Variants in ECSIT observed in about 807,000 individuals in gnomAD.
The protein encoded by ECSIT is ECSIT signaling integrator, also known as evolutionarily conserved signaling intermediate in Toll pathway, mitochondrial.
Under a neutral mutation model 36.8 loss-of-function variants are expected in ECSIT, and 29 were observed. The ratio of observed to expected loss-of-function variants is 0.79; its 90% CI spans 0.59 to 1.08. The LOEUF (loss-of-function observed/expected upper bound fraction) is 1.08, where lower values mean the gene tolerates loss of function less well. Ranked by LOEUF, ECSIT falls within the 50% of genes least tolerant of loss-of-function variation. The probability of loss-of-function intolerance (pLI) is 0.00; values close to 1 mark genes in which losing one functional copy is unlikely to be tolerated. For synonymous variants in ECSIT, 231 were observed against 234.8 expected, an observed-to-expected ratio of 0.98 and a Z score of 0.15; for missense variants, 542 against 581.0, an observed-to-expected ratio of 0.93 and a Z score of 0.69.
intron 1 of ECSIT, among the ~76,000 whole-genome samples, chr19:11,524,909 C>T (rs1042118577): frequency 1.8e-4 from 28 of 151,666 alleles, no homozygotes; most frequent in African/African-American, 6.3e-4. Flanking sequence ...GAAGCCAAGG[C>T]GGGTGGATCA....
At chr19:11,511,401 GC>G (rs1971867837) in intron 4 of ECSIT, among the ~76,000 whole-genome samples, 1 of 152,150 alleles carries the variant, frequency 6.6e-6, no homozygotes, top group Non-Finnish European at 1.5e-5. Flanking sequence ...AAGGGGTGGT[GC>G]CTTGGCCAGG....
intron 4 of ECSIT, among the ~76,000 whole-genome samples, chr19:11,511,652 T>C (rs981018065): frequency 6.6e-6 from 1 of 152,144 alleles, no homozygotes; most frequent in East Asian, 1.9e-4. Flanking sequence ...CTATCTACAA[T>C]GCAATAGGAT....
Position 11,513,867 on chromosome 19 carries a change from A to G in ECSIT, c.451T>C (p.Phe151Leu), listed in dbSNP as rs1803688989. The G allele has an allele frequency of 1.9e-6, 3 of 1,614,024 alleles. No individual in the cohort carries two copies. Among genetic ancestry groups the G allele is most frequent in the Non-Finnish European group, 2.5e-6 (3 of 1,180,044 alleles). Residue 151 changes from phenylalanine (F) to leucine (L), a missense_variant, in exon 3 of 8, where the codon TTC (phenylalanine) becomes CTC (leucine). By Grantham distance (22) the Phe-to-Leu change is conservative (BLOSUM62 0). Coordinates refer to ENST00000270517, the MANE Select transcript of ECSIT (RefSeq NM_016581.5). ...FRPRNIIQRIFVHYPRQQECG... is the reference protein window; with the variant it reads ...FRPRNIIQRILVHYPRQQECG... Reference sequence around the variant, plus strand: ...TCCTGCTGCCGAGGGTAGTGGACGAAGATGCGCTGGATGATGTTGCGAGGC... The same window carrying G: ...TCCTGCTGCCGAGGGTAGTGGACGAGGATGCGCTGGATGATGTTGCGAGGC...
intron 1 of ECSIT, among the ~76,000 whole-genome samples, chr19:11,520,569 C>T (rs1224985038): frequency 6.6e-6 from 1 of 151,970 alleles, no homozygotes; most frequent in African/African-American, 2.4e-5. Context: ...GGCTGGAGTG[C>T]AGTGGCACAA....
chr19:11,518,635 C>T (rs1298892771), intron 2 of ECSIT, among the ~76,000 whole-genome samples: 4 of 150,674 alleles, frequency 2.7e-5, no homozygotes, highest in Admixed American at 6.6e-5. Flanking sequence ...CGGTGGCTCA[C>T]GCCTGTAATC....
At chr19:11,509,095 A>C (rs1971818047) in intron 4 of ECSIT, among the ~76,000 whole-genome samples, 1 of 143,870 alleles carries the variant, frequency 7.0e-6, no homozygotes, top group Non-Finnish European at 1.5e-5. Context: ...TTTGGGACAG[A>C]GTTTCGCTCT....
intron 2 of ECSIT, 121 bp downstream of exon 2, chr19:11,518,954 G>A (rs1303256512): frequency 1.1e-5 from 9 of 798,290 alleles, no homozygotes; most frequent in Non-Finnish European, 6.5e-6. Context: ...ATGGGACCTC[G>A]GCACTGATAG....
At chr19:11,528,895 A>G (rs1470362508) in intron 1 of ECSIT, 167 bp downstream of exon 1, 1 of 152,206 alleles carries the variant, frequency 6.6e-6, no homozygotes, top group South Asian at 2.1e-4. Context: ...GGCGGCTGGC[A>G]CAAGACAGGC....
rs915520994 is a variant in ECSIT at position 11,507,425 on chromosome 19, A to G, written c.1051+32T>C. 6 of 1,571,426 alleles carry G rather than the reference A, an allele frequency of 3.8e-6. No homozygotes were observed. In the African/African-American group the frequency reaches 4.1e-5, roughly 11 times the overall value. Reference sequence around the variant, plus strand: ...AGGAGGGCTGGGATTACGAGCACACATGTGAGCCACCGCACCTGGCCCAGT... The same window carrying G: ...AGGAGGGCTGGGATTACGAGCACACGTGTGAGCCACCGCACCTGGCCCAGT... On this transcript the variant is annotated intron_variant, in intron 7 of 7. Coordinates refer to ENST00000270517, the MANE Select transcript of ECSIT (RefSeq NM_016581.5).
At chr19:11,522,414 G>T (rs944367336) in intron 1 of ECSIT, 144 of 1,383,304 alleles carry the variant, frequency 1.0e-4, no homozygotes, top group Non-Finnish European at 1.6e-5. Context: ...AAGACTCCAA[G>T]ATCAAGTTCC....
chr19:11,521,518 G>A (rs1304036080), intron 1 of ECSIT, among the ~76,000 whole-genome samples: 2 of 150,858 alleles, frequency 1.3e-5, no homozygotes, highest in Non-Finnish European at 2.9e-5. Context: ...TGTAATCACA[G>A]CACTTCGGGA....
In ECSIT at chr19:11,511,013, C is replaced by T. The variant is rs1360553522; in HGVS notation, c.738+2043G>A. On this transcript the variant is annotated intron_variant, in intron 4 of 7. Coordinates refer to ENST00000270517, the MANE Select transcript of ECSIT (RefSeq NM_016581.5). Reference sequence around the variant, plus strand: ...AGCTCTTTAATCAGGTGCCCCCACTCACTGCACCGCATTTCCTGGTACACA... The same window carrying T: ...AGCTCTTTAATCAGGTGCCCCCACTTACTGCACCGCATTTCCTGGTACACA... 4.6e-5 allele frequency among the ~76,000 whole-genome samples: 7 copies of T among 151,810 alleles called. No individual in the cohort carries two copies. In the East Asian group the frequency reaches 1.4e-3, roughly 29 times the overall value.
At chr19:11,511,521 T>C (rs1324424983) in intron 4 of ECSIT, among the ~76,000 whole-genome samples, 2 of 151,968 alleles carry the variant, frequency 1.3e-5, no homozygotes, top group East Asian at 1.9e-4. Context: ...CGCAAAGCCC[T>C]GTGGTGAGAA....
chr19:11,513,940 C>T lies in ECSIT; in HGVS notation c.378G>A (p.Leu126=). The T allele has an allele frequency of 1.2e-6, 2 of 1,614,208 alleles. No individual in the cohort carries two copies. Among genetic ancestry groups the T allele is most frequent in the South Asian group, 2.2e-5 (2 of 91,088 alleles). ...KMREYGVERD[L]AVYNQLLNIF... is the part of the protein sequence containing the mutation. The stretch of plus-strand genomic sequence containing the variant: ...TGTTGAGCAGCTGGTTGTACACAGC[C>T]AGGTCCCGCTCGACACCATACTCCC... Residue 126 remains leucine, a synonymous_variant, in exon 3 of 8, where the codon CTG becomes CTA. Transcript: ENST00000270517.
At chr19:11,522,498 G>T in intron 1 of ECSIT, 1 of 1,106,582 alleles carries the variant, frequency 9.0e-7, no homozygotes. Context: ...CCTTCTTCTA[G>T]GGGTAGGGCC....
At chr19:11,518,588 C>CA (rs1358934043) in intron 2 of ECSIT, among the ~76,000 whole-genome samples, 3 of 151,480 alleles carry the variant, frequency 2.0e-5, no homozygotes, top group African/African-American at 4.9e-5. Context: ...GACCTTGTTT[C>CA]AAAAAAATAA....
chr19:11,524,506 A>G (rs1053488306), intron 1 of ECSIT, among the ~76,000 whole-genome samples: 6 of 152,028 alleles, frequency 3.9e-5, no homozygotes, highest in Non-Finnish European at 5.9e-5. Flanking sequence ...TCTGGATGAC[A>G]CAGCAAGGCT....
At chr19:11,506,534 T>A in intron 7 of ECSIT, 106 bp from the exon 8 acceptor site, 2 of 1,197,332 alleles carry the variant, frequency 1.7e-6, no homozygotes, top group Non-Finnish European at 2.2e-6. Flanking sequence ...ACTTCCTTTT[T>A]TTTTTTTTTT....
chr19:11,508,180 C>A, intron 4 of ECSIT, 132 bp from the exon 5 acceptor site: 1 of 1,019,872 alleles, frequency 9.8e-7, no homozygotes, highest in Middle Eastern at 2.5e-4. Context: ...GGCCCTCCAA[C>A]CTGTCCCCTC....
Sources: gnomAD v4.1 joint callset for allele counts (sites outside exome capture counted in the v4.1 genomes callset) on GRCh38, gnomAD v4.1.1 for gene constraint, MANE v1.5 for transcripts, NCBI Gene and HGNC (gene_info 2026-07-23, HGNC 2026-07-21) for gene names.